The following TRAPPC8 variants were observed in gnomAD, a reference collection of about 807,000 sequenced individuals.
TRAPPC8 encodes trafficking protein particle complex subunit 8, also known as general sporulation gene 1 homolog.
In TRAPPC8, 54 loss-of-function variants were observed where a neutral mutation model predicts 174.3. The ratio of observed to expected loss-of-function variants is 0.31; its 90% confidence interval spans 0.25 to 0.39. The LOEUF is 0.39. Ranked by LOEUF, TRAPPC8 falls within the 10% of genes least tolerant of loss-of-function variation. TRAPPC8 has a pLI of 1.00. For synonymous variants in TRAPPC8, 630 were observed against 579.9 expected (o/e 1.09, Z -1.24); for missense variants, 1,531 against 1,699.1 (o/e 0.90, Z 1.74).
At chr18:31,904,004 G>A (rs1178744253) in intron 9 of TRAPPC8, among the ~76,000 whole-genome samples, 2 of 152,248 alleles carry the variant, frequency 1.3e-5, no homozygotes, top group African/African-American at 4.8e-5. Flanking sequence ...GGGAGGCCAA[G>A]GCAGGGAGAA....
In TRAPPC8 at chr18:31,830,034, A is replaced by G. The variant is rs1220703850; in HGVS notation, c.*721T>C. 1 of 152,652 alleles carries G rather than the reference A, an allele frequency of 6.6e-6. No individual in the cohort carries two copies. The highest frequency in any genetic ancestry group is 1.5e-5 in the Non-Finnish European group (1 of 68,046). The allele number at this position is 152,652 out of a possible 1,614,324, so 9.5% of individuals were successfully genotyped here. Reference sequence around the variant, plus strand: ...CTTATTTTTAATTAACTTGAGATTTATATTTTAAACAGATCAACTCAATAG... The same window carrying G: ...CTTATTTTTAATTAACTTGAGATTTGTATTTTAAACAGATCAACTCAATAG... On this transcript the variant is annotated 3_prime_UTR_variant, in exon 29 of 29. Coordinates refer to ENST00000283351, the MANE Select transcript of TRAPPC8 (RefSeq NM_014939.5).
At chr18:31,935,080 C>G (rs2038024310) in intron 1 of TRAPPC8, among the ~76,000 whole-genome samples, 1 of 152,012 alleles carries the variant, frequency 6.6e-6, no homozygotes, top group Non-Finnish European at 1.5e-5. Flanking sequence ...CGTGATGGCT[C>G]ATGCCTGTAA....
intron 12 of TRAPPC8, among the ~76,000 whole-genome samples, chr18:31,877,480 C>T (rs2035213159): frequency 6.6e-6 from 1 of 151,734 alleles, no homozygotes; most frequent in Admixed American, 6.6e-5. Context: ...GGTGAGGTGG[C>T]GGGCGCCTGT....
intron 27 of TRAPPC8, among the ~76,000 whole-genome samples, chr18:31,837,385 C>A (rs1489245207): frequency 6.6e-6 from 1 of 152,002 alleles, no homozygotes; most frequent in African/African-American, 2.4e-5. Context: ...CAGCAGAATT[C>A]AAAATAGTTC....
intron 4 of TRAPPC8, among the ~76,000 whole-genome samples, chr18:31,914,132 C>CAAA (rs1264790427): frequency 2.2e-5 from 1 of 44,554 alleles, no homozygotes; most frequent in African/African-American, 6.2e-5. Flanking sequence ...ACCCCCATCT[C>CAAA]AAAAAAAAAA....
intron 26 of TRAPPC8, among the ~76,000 whole-genome samples, chr18:31,844,060 T>G (rs1446380560): frequency 6.6e-6 from 1 of 152,168 alleles, no homozygotes; most frequent in African/African-American, 2.4e-5. Context: ...CATAATATCT[T>G]CTGGTTCATC....
At chr18:31,840,947 C>T (rs1437287540) in intron 26 of TRAPPC8, among the ~76,000 whole-genome samples, 1 of 149,506 alleles carries the variant, frequency 6.7e-6, no homozygotes, top group Non-Finnish European at 1.5e-5. Flanking sequence ...AAAACACAAA[C>T]AAAAAAAGAT....
chr18:31,895,519 A>G (rs751889917), intron 11 of TRAPPC8, among the ~76,000 whole-genome samples: 3 of 152,214 alleles, frequency 2.0e-5, no homozygotes, highest in African/African-American at 7.2e-5. Flanking sequence ...AAGTGGAAAC[A>G]AAGAGTTGGA....
At chr18:31,876,677 G>C (rs2035171116) in intron 12 of TRAPPC8, among the ~76,000 whole-genome samples, 1 of 152,012 alleles carries the variant, frequency 6.6e-6, no homozygotes, top group African/African-American at 2.4e-5. Flanking sequence ...GAGTTTGGCA[G>C]GGATCGAGTG....
chr18:31,938,939 G>C (rs1210629467), intron 1 of TRAPPC8, among the ~76,000 whole-genome samples: 1 of 152,072 alleles, frequency 6.6e-6, no homozygotes, highest in Non-Finnish European at 1.5e-5. Flanking sequence ...AATTAGCTGA[G>C]CATGGTGGCA....
intron 1 of TRAPPC8, among the ~76,000 whole-genome samples, chr18:31,938,240 C>T (rs2038187472): frequency 6.6e-6 from 1 of 151,876 alleles, no homozygotes; most frequent in African/African-American, 2.4e-5. Context: ...GAAACATGGC[C>T]AGTGGAAATT....
intron 25 of TRAPPC8, 58 bp downstream of exon 25, chr18:31,849,503 TGCTTA>T (rs1370274623): frequency 4.0e-5 from 54 of 1,340,312 alleles, no homozygotes; most frequent in African/African-American, 1.6e-4. Context: ...TATACGTTTG[TGCTTA>T]GCTTAAGACT....
chr18:31,855,349 T>TA (rs2033945335), intron 21 of TRAPPC8, among the ~76,000 whole-genome samples: 2 of 152,222 alleles, frequency 1.3e-5, no homozygotes, highest in Non-Finnish European at 1.5e-5. Context: ...CACAATTTAG[T>TA]AACACCAATG....
At chr18:31,866,408 C>G (rs1176113122) in intron 18 of TRAPPC8, among the ~76,000 whole-genome samples, 1 of 151,780 alleles carries the variant, frequency 6.6e-6, no homozygotes, top group African/African-American at 2.4e-5. Context: ...CCTACTCTTT[C>G]AAGACAGAAG....
intron 12 of TRAPPC8, among the ~76,000 whole-genome samples, chr18:31,876,075 A>C (rs536699693): frequency 1.3e-5 from 2 of 152,350 alleles, no homozygotes; most frequent in Admixed American, 1.3e-4. Flanking sequence ...GGTGATGGAT[A>C]TCCCAAGTTC....
intron 24 of TRAPPC8, among the ~76,000 whole-genome samples, chr18:31,851,513 C>CT (rs34103534): frequency 2.2e-3 from 319 of 145,674 alleles, no homozygotes; most frequent in African/African-American, 6.2e-3. Flanking sequence ...CTAGGAGGCT[C>CT]TTTTTTTTTT....
intron 19 of TRAPPC8, among the ~76,000 whole-genome samples, chr18:31,858,907 C>T (rs1429662471): frequency 6.6e-6 from 1 of 152,106 alleles, no homozygotes; most frequent in Admixed American, 6.6e-5. Flanking sequence ...GAGTTCAAAA[C>T]CAGCCTGGGC....
intron 26 of TRAPPC8, 45 bp from the exon 27 acceptor site, chr18:31,839,502 T>A (rs2032969029): frequency 9.3e-6 from 14 of 1,509,416 alleles, no homozygotes; most frequent in African/African-American, 1.4e-5. Flanking sequence ...AACACTACCT[T>A]GTTTAAAAAA....
At chr18:31,928,400 T>C (rs182447109) in intron 2 of TRAPPC8, among the ~76,000 whole-genome samples, 17 of 151,626 alleles carry the variant, frequency 1.1e-4, no homozygotes, top group African/African-American at 3.6e-4. Context: ...TACACACCTA[T>C]AGTCCCACCT....
Sources: allele counts gnomAD v4.1 joint callset (sites outside exome capture counted in the v4.1 genomes callset), GRCh38; gene constraint gnomAD v4.1.1; transcripts MANE v1.5; gene names NCBI Gene and HGNC (gene_info 2026-07-23, HGNC 2026-07-21).